The following DGKH variants were observed in gnomAD, a reference collection of about 807,000 sequenced individuals.
The protein encoded by DGKH is DAG kinase eta.
Under a neutral mutation model 159.3 loss-of-function variants are expected in DGKH, and 90 were observed. That is an observed-to-expected ratio of 0.57 (90% CI 0.48 to 0.67). The LOEUF (loss-of-function observed/expected upper bound fraction) is 0.67. Ranked by LOEUF, DGKH falls within the 30% of genes least tolerant of loss-of-function variation. DGKH has a pLI of 0.00. For synonymous variants in DGKH, 536 were observed against 553.8 expected (o/e 0.97, Z 0.45); for missense variants, 1,181 against 1,506.1 (o/e 0.78, Z 3.57).
chr13:42,045,749 C>T (rs1367990188), upstream of DGKH, among the ~76,000 whole-genome samples: 3 of 152,168 alleles, frequency 2.0e-5, no homozygotes, highest in Non-Finnish European at 4.4e-5. Context: ...TTGAACTCTT[C>T]AGGATATAAA....
At chr13:42,066,129 C>G (rs548862259) in intron 1 of DGKH, 1 of 152,410 alleles carries the variant, frequency 6.6e-6, no homozygotes, top group Non-Finnish European at 1.5e-5. Context: ...CTTCTGAGCT[C>G]AAGTGATCCG....
intron 1 of DGKH, among the ~76,000 whole-genome samples, chr13:42,077,745 G>C (rs1230093958): frequency 1.3e-5 from 2 of 152,160 alleles, no homozygotes; most frequent in Non-Finnish European, 2.9e-5. Context: ...AAATAAAAGA[G>C]ACAGCTGACC....
intron 29 of DGKH, among the ~76,000 whole-genome samples, chr13:42,251,597 T>A (rs547177255): frequency 1.3e-5 from 2 of 152,222 alleles, no homozygotes; most frequent in East Asian, 3.9e-4. Flanking sequence ...TTGTCCATTT[T>A]TCATCCTCCA....
At chr13:42,171,852 C>T (rs1329465037) in intron 11 of DGKH, among the ~76,000 whole-genome samples, 3 of 117,950 alleles carry the variant, frequency 2.5e-5, no homozygotes, top group Non-Finnish European at 3.3e-5. Context: ...TTTTTTGAGA[C>T]GGAGTCTCGC....
At chr13:42,218,200 T>C (rs1289864513) in intron 26 of DGKH, among the ~76,000 whole-genome samples, 1 of 152,244 alleles carries the variant, frequency 6.6e-6, no homozygotes, top group Non-Finnish European at 1.5e-5. Flanking sequence ...GTTTATTTAA[T>C]CTTTATTCAT....
intron 1 of DGKH, among the ~76,000 whole-genome samples, chr13:42,054,633 A>T (rs564674185): frequency 3.2e-4 from 49 of 152,338 alleles, no homozygotes; most frequent in African/African-American, 1.2e-3. Flanking sequence ...AATTCTGAGA[A>T]TAAGTTCTTA....
intron 29 of DGKH, among the ~76,000 whole-genome samples, chr13:42,224,849 A>G (rs1046650250): frequency 1.3e-5 from 2 of 152,136 alleles, no homozygotes; most frequent in African/African-American, 4.8e-5. Flanking sequence ...CCATATCACC[A>G]AAACAACTAG....
Position 42,165,400 on chromosome 13 carries a change from C to T in DGKH, c.925C>T (p.Pro309Ser), listed in dbSNP as rs141975148. ...PLGQCKVSII[P>S]PIALNSTDSD... ...TGGTCAATGTAAAGTATCTATCATA[C>T]CTCCAATTGCACTAAACAGCACCGA... Residue 309 changes from proline (P) to serine (S), a missense_variant, in exon 8 of 30, where the codon CCT becomes TCT. Around this residue, in one of 5 missense-constraint regions of DGKH, gnomAD observed 369 missense variants for 519.4 expected, o/e 0.71. Coordinates refer to ENST00000337343, the MANE Select transcript of DGKH (RefSeq NM_178009.5). The T allele has an allele frequency of 1.3e-6, 2 of 1,590,968 alleles. No homozygotes were observed. Among genetic ancestry groups the T allele is most frequent in the African/African-American group, 2.7e-5 (2 of 73,672 alleles).
At chr13:42,063,135 TG>T (rs1882303763) in intron 1 of DGKH, among the ~76,000 whole-genome samples, 2 of 152,372 alleles carry the variant, frequency 1.3e-5, no homozygotes, top group Non-Finnish European at 1.5e-5. Context: ...AAAAAGGTCT[TG>T]GGAACACTTG....
chr13:42,081,693 C>A lies in DGKH; in HGVS notation c.192+32728C>A, dbSNP rs148194938. 5.3e-5 allele frequency among the ~76,000 whole-genome samples: 8 copies of A among 152,304 alleles called. No individual in the cohort carries two copies. The East Asian group carries it at 1.5e-3, about 29-fold the overall frequency. On this transcript the variant is annotated intron_variant, in intron 1 of 29. Coordinates refer to ENST00000337343, the MANE Select transcript of DGKH (RefSeq NM_178009.5). The stretch of plus-strand genomic sequence containing the variant: ...GCCACCTCAGGCTGTTTTCTCAATT[C>A]TTCTGATATGTCCCCAGCATTCTTA...
intron 1 of DGKH, among the ~76,000 whole-genome samples, chr13:42,077,324 A>T (rs942896): frequency 0.62 from 94,624 of 151,946 alleles, 29,774 homozygotes; most frequent in Non-Finnish European, 0.68. Context: ...ATACTTAATA[A>T]ATTAATACTT....
chr13:42,188,735 A>G (rs4598803), intron 14 of DGKH, among the ~76,000 whole-genome samples: 18,143 of 152,224 alleles, frequency 0.12, 1,539 homozygotes, highest in East Asian at 0.4. Flanking sequence ...CTGAAATTAT[A>G]TAATAATTGT....
intron 1 of DGKH, among the ~76,000 whole-genome samples, chr13:42,107,927 T>C (rs1475729467): frequency 6.6e-6 from 1 of 152,168 alleles, no homozygotes; most frequent in Non-Finnish European, 1.5e-5. Context: ...AGGGATTTTG[T>C]CCTATTGTCT....
At position 42,219,289 on chromosome 13, in the gene DGKH, A is replaced by G; in HGVS notation, c.3273A>G (p.Glu1091=). 4 of 1,613,998 alleles carry G rather than the reference A, an allele frequency of 2.5e-6. No individual in the cohort carries two copies. The highest frequency in any genetic ancestry group is 1.7e-4 in the Middle Eastern group (1 of 6,058). ...ATGCCTTACACTCTGTGGAGGTGGA[A>G]TTACAGAAACTGACAGAGATTCCTT... ...VSNALHSVEV[E]LQKLTEIPWL... The change falls in exon 27 of 30, where the codon GAA becomes GAG. Residue 1091 remains glutamate (E), a synonymous_variant. Transcript: ENST00000337343.
chr13:42,086,317 CAGTA>C (rs1954300716), intron 1 of DGKH, among the ~76,000 whole-genome samples: 1 of 152,186 alleles, frequency 6.6e-6, no homozygotes, highest in Non-Finnish European at 1.5e-5. Flanking sequence ...TAATCAGATT[CAGTA>C]AGTGTTTATT....
intron 3 of DGKH, among the ~76,000 whole-genome samples, chr13:42,144,444 T>C (rs1285986808): frequency 6.6e-6 from 1 of 152,080 alleles, no homozygotes; most frequent in Non-Finnish European, 1.5e-5. Context: ...CCTAGCATGT[T>C]GGGAGGCCGA....
chr13:42,162,976 AG>A (rs1307975782), intron 7 of DGKH, among the ~76,000 whole-genome samples: 2 of 151,150 alleles, frequency 1.3e-5, no homozygotes, highest in African/African-American at 4.9e-5. Context: ...CTCATCATTT[AG>A]CATTAGGTAT....
rs147145037 is a variant in DGKH at position 42,153,359 on chromosome 13, A to G, written c.385-1932A>G. On this transcript the variant is annotated intron_variant, in intron 3 of 29. Coordinates refer to ENST00000337343, the MANE Select transcript of DGKH (RefSeq NM_178009.5). ...CTAAAGACAGTTAAAACCATTAGTC[A>G]TCATGCTTTACTTAGAATTCAGCAA... Among the ~76,000 whole-genome samples, 1,212 of 152,350 alleles carry G rather than the reference A, an allele frequency of 8.0e-3. 13 individuals carry two copies. The highest frequency in any genetic ancestry group is 0.012 in the South Asian group (60 of 4,834).
At chr13:42,140,768 T>A (rs907105956) in intron 3 of DGKH, 1 of 152,172 alleles carries the variant, frequency 6.6e-6, no homozygotes, top group Middle Eastern at 3.4e-3. Flanking sequence ...TCATTTAGAT[T>A]GACTCTCACT....
Sources: allele counts gnomAD v4.1 joint callset (sites outside exome capture counted in the v4.1 genomes callset), GRCh38; gene constraint gnomAD v4.1.1; regional missense constraint gnomAD v4.1.1; transcripts MANE v1.5; gene names NCBI Gene and HGNC (gene_info 2026-07-23, HGNC 2026-07-21).